Variants in BANK1 observed in about 807,000 individuals in gnomAD.
BANK1 encodes B-cell scaffold protein with ankyrin repeats.
A neutral mutation model predicts 94.5 loss-of-function variants in BANK1; 95 were observed. That is an observed-to-expected ratio of 1.00 (90% CI 0.85 to 1.19). The LOEUF is 1.19. BANK1 is among the 50% of genes most tolerant of loss of function. The pLI is 0.00. For missense variants in BANK1, 987 were observed against 932.2 expected (o/e 1.06, Z -0.77); for synonymous variants, 334 against 308.4 (o/e 1.08, Z -0.87).
At chr4:101,863,868 A>G (rs886474893) in intron 4 of BANK1, among the ~76,000 whole-genome samples, 8 of 152,192 alleles carry the variant, frequency 5.3e-5, no homozygotes, top group Non-Finnish European at 8.8e-5. Flanking sequence ...CACTATAGAA[A>G]TATCAATATT....
chr4:101,951,215 C>T (rs115521165), intron 7 of BANK1, among the ~76,000 whole-genome samples: 3,262 of 152,160 alleles, frequency 0.021, 59 homozygotes, highest in Non-Finnish European at 0.034. Context: ...GAACTCTCTG[C>T]ATTATCTTTA....
At chr4:101,792,767 A>C (rs1474532437) in intron 1 of BANK1, among the ~76,000 whole-genome samples, 1 of 152,156 alleles carries the variant, frequency 6.6e-6, no homozygotes, top group African/African-American at 2.4e-5. Flanking sequence ...GCTAGACAAC[A>C]TTAGTGTATA....
Position 101,867,176 on chromosome 4 carries a change from TAA to T in BANK1, c.764-3310_764-3309del, listed in dbSNP as rs754806525. ...AACTTAGAGTATAATAAAAAAAATT[TAA>T]AAAAAAAAAAAAAAAAAAGAATTAC... On this transcript the variant is annotated intron_variant, in intron 4 of 16. Transcript: ENST00000322953. Among the ~76,000 whole-genome samples the T allele has an allele frequency of 1.8e-3, 59 of 33,360 alleles. 9 individuals are homozygous for T. Among genetic ancestry groups the T allele is most frequent in the East Asian group, 3.8e-3 (5 of 1,318 alleles). 21.9% of individuals were successfully genotyped at this position (33,360 alleles called of 152,430 possible).
intron 5 of BANK1, among the ~76,000 whole-genome samples, chr4:101,879,181 G>A (rs1364237207): frequency 2.0e-5 from 3 of 151,960 alleles, no homozygotes; most frequent in Non-Finnish European, 4.4e-5. Context: ...CTTTTGAGAA[G>A]TTAAGCAAAA....
At chr4:101,899,713 G>GA (rs1156448080) in intron 6 of BANK1, among the ~76,000 whole-genome samples, 1 of 151,882 alleles carries the variant, frequency 6.6e-6, no homozygotes, top group Non-Finnish European at 1.5e-5. Flanking sequence ...AGAAGGGAGA[G>GA]AAAAAAGGAA....
Position 101,830,240 on chromosome 4 carries a change from A to AT in BANK1, c.469+37dup, listed in dbSNP as rs770177159. The AT allele has an allele frequency of 1.3e-4, 182 of 1,355,554 alleles. 1 individual carries two copies. The African/African-American group carries it at 2.9e-3, about 22-fold the overall frequency. The allele number at this position is 1,355,554 out of a possible 1,614,324, so 84.0% of individuals were successfully genotyped here. ...GCCAAACCTTGTTTGTTTTATTTTTATTTGTTTTTTTTTTTTTGTAATTAA... is the reference window on the plus strand; with the variant it reads ...GCCAAACCTTGTTTGTTTTATTTTTATTTTGTTTTTTTTTTTTTGTAATTAA... On this transcript the variant is annotated intron_variant, in intron 2 of 16. Transcript: ENST00000322953.
intron 1 of BANK1, among the ~76,000 whole-genome samples, chr4:101,822,467 T>A (rs1235525740): frequency 1.3e-5 from 2 of 152,200 alleles, no homozygotes; most frequent in Non-Finnish European, 2.9e-5. Flanking sequence ...CCATATTTCA[T>A]TGATTCTGAC....
chr4:102,008,182 A>G (rs1191420200), intron 7 of BANK1, among the ~76,000 whole-genome samples: 1 of 152,164 alleles, frequency 6.6e-6, no homozygotes, highest in Non-Finnish European at 1.5e-5. Flanking sequence ...ATGAATCCCA[A>G]TGCCCTAAAT....
chr4:101,832,251 A>G (rs4637409), intron 2 of BANK1, among the ~76,000 whole-genome samples: 40,714 of 152,144 alleles, frequency 0.27, 5,616 homozygotes, highest in Non-Finnish European at 0.3. Context: ...TAGTGACTTT[A>G]CTAGAATATT....
At chr4:102,020,470 TC>T (rs1726858872) in intron 7 of BANK1, among the ~76,000 whole-genome samples, 1 of 152,118 alleles carries the variant, frequency 6.6e-6, no homozygotes, top group African/African-American at 2.4e-5. Flanking sequence ...TATTTCATTT[TC>T]AAAATTCCAT....
chr4:101,796,452 T>C (rs1725159422), intron 1 of BANK1, among the ~76,000 whole-genome samples: 1 of 152,122 alleles, frequency 6.6e-6, no homozygotes, highest in African/African-American at 2.4e-5. Flanking sequence ...CCATTGAAAA[T>C]TAAACAATCT....
chr4:101,951,433 T>G (rs554882547), intron 7 of BANK1, among the ~76,000 whole-genome samples: 2 of 152,070 alleles, frequency 1.3e-5, no homozygotes, highest in Non-Finnish European at 2.9e-5. Flanking sequence ...CAAACACCAG[T>G]TTACAGGGAA....
chr4:101,801,478 C>G (rs1028792592), intron 1 of BANK1, among the ~76,000 whole-genome samples: 27 of 152,152 alleles, frequency 1.8e-4, no homozygotes, highest in African/African-American at 5.6e-4. Context: ...TTTTATTTCT[C>G]TCTCATGACA....
chr4:101,929,531 C>T (rs1321673854), intron 7 of BANK1, among the ~76,000 whole-genome samples: 1 of 151,476 alleles, frequency 6.6e-6, no homozygotes, highest in Non-Finnish European at 1.5e-5. Flanking sequence ...ATATGGCTTT[C>T]AAAACGAATG....
chr4:102,025,435 G>A lies in BANK1; in HGVS notation c.1520G>A (p.Ser507Asn), dbSNP rs140895625. The change falls in exon 9 of 17, where the codon AGC (serine) becomes AAC (asparagine). Residue 507 changes from serine to asparagine, a missense_variant. By Grantham distance (46) the Ser-to-Asn change is conservative. Transcript: ENST00000322953. The stretch of plus-strand genomic sequence containing the variant: ...AATTCACAAGAGCCACTCATGAGCA[G>A]CAGACCTCCTCTCCCCCCGCCGCGA... ...ENNSQEPLMSSRPPLPPPRPV... is the reference protein window; with the variant it reads ...ENNSQEPLMSNRPPLPPPRPV... 7.0e-5 allele frequency: 113 copies of A among 1,614,018 alleles called. No individual in the cohort carries two copies. In the African/African-American group the frequency reaches 1.2e-3, roughly 17 times the overall value.
chr4:101,907,055 A>G (rs1182023441), intron 6 of BANK1, among the ~76,000 whole-genome samples: 1 of 152,238 alleles, frequency 6.6e-6, no homozygotes, highest in African/African-American at 2.4e-5. Flanking sequence ...ATATTAAATT[A>G]AAAGTATCCC....
intron 1 of BANK1, among the ~76,000 whole-genome samples, chr4:101,811,556 A>G (rs1725731237): frequency 6.6e-6 from 1 of 152,160 alleles, no homozygotes. Context: ...GTTTTTGTGT[A>G]TATACATAAA....
At chr4:101,864,374 A>T (rs530322297) in intron 4 of BANK1, among the ~76,000 whole-genome samples, 1 of 152,206 alleles carries the variant, frequency 6.6e-6, no homozygotes, top group Non-Finnish European at 1.5e-5. Flanking sequence ...AACTAGTAAG[A>T]ACTACATTTT....
intron 5 of BANK1, among the ~76,000 whole-genome samples, chr4:101,885,062 C>T (rs1044029923): frequency 2.6e-5 from 4 of 152,146 alleles, no homozygotes; most frequent in Admixed American, 1.3e-4. Flanking sequence ...GGGTTACAGG[C>T]GCCTGCCTCC....
Sources: gnomAD v4.1 joint callset for allele counts (sites outside exome capture counted in the v4.1 genomes callset) on GRCh38, gnomAD v4.1.1 for gene constraint, MANE v1.5 for transcripts, NCBI Gene and HGNC (gene_info 2026-07-23, HGNC 2026-07-21) for gene names.